Variants in PHACTR2 observed in about 807,000 individuals in gnomAD.
The protein encoded by PHACTR2 is phosphatase and actin regulator 2.
In PHACTR2, 30 loss-of-function variants were observed where a neutral mutation model predicts 76.0. That is an observed-to-expected ratio of 0.39 (90% CI 0.30 to 0.54). The LOEUF (loss-of-function observed/expected upper bound fraction) is 0.54, where lower values mean the gene tolerates loss of function less well. Among genes scored for constraint, PHACTR2 ranks in the 20% least tolerant of loss-of-function variants. The probability of loss-of-function intolerance (pLI) is 0.61; values close to 1 mark genes in which losing one functional copy is unlikely to be tolerated. For synonymous variants in PHACTR2, 292 were observed against 292.5 expected (o/e 1.00, Z 0.02); for missense variants, 696 against 781.1 (o/e 0.89, Z 1.30).
At chr6:143,545,965 G>T (rs1479815148) in intron 1 of PHACTR2, among the ~76,000 whole-genome samples, 3 of 152,172 alleles carry the variant, frequency 2.0e-5, no homozygotes, top group Non-Finnish European at 4.4e-5. Context: ...ACATTTCGGT[G>T]ATCATTACTT....
At position 143,599,928 on chromosome 6, in the gene PHACTR2, G is replaced by A. The variant is rs918612840; in HGVS notation, c.217+62721G>A. 1.5e-4 allele frequency among the ~76,000 whole-genome samples: 23 copies of A among 152,178 alleles called. No individual in the cohort carries two copies. Among genetic ancestry groups the A allele is most frequent in the African/African-American group, 5.6e-4 (23 of 41,438 alleles). Reference sequence around the variant, plus strand: ...AAACTTTGGCAAACTCAGAGCAGATGCCTTGTCTAAAGCTTTCAAGGTTTG... The same window carrying A: ...AAACTTTGGCAAACTCAGAGCAGATACCTTGTCTAAAGCTTTCAAGGTTTG... On this transcript the variant is annotated intron_variant, in intron 1 of 11. Coordinates refer to the PHACTR2 transcript ENST00000367584. This position sits in a 1 kb window ranked among gnomAD's most constrained non-coding sequence, Gnocchi z 4.6.
At position 143,765,009 on chromosome 6, in the gene PHACTR2, A is replaced by G. The variant is rs1425266467; in HGVS notation, c.695-252A>G. On this transcript the variant is annotated intron_variant, in intron 5 of 12. Coordinates refer to ENST00000440869, the MANE Select transcript of PHACTR2 (RefSeq NM_001100164.2). This position sits in a 1 kb window ranked among gnomAD's most constrained non-coding sequence, Gnocchi z 4.1. Reference sequence around the variant, plus strand: ...CCTTTGGCTGGCTCAGCTAAAGACTAAAGTGAGAGAAGACAGAGGACTCTT... The same window carrying G: ...CCTTTGGCTGGCTCAGCTAAAGACTGAAGTGAGAGAAGACAGAGGACTCTT... Among the ~76,000 whole-genome samples, 1 of 152,174 alleles carries G rather than the reference A, an allele frequency of 6.6e-6. No homozygotes were observed. Among genetic ancestry groups the G allele is most frequent in the East Asian group, 1.9e-4 (1 of 5,192 alleles).
rs1349932513 is a variant in PHACTR2 at position 143,783,029 on chromosome 6, G to GTGTGTA, written c.1646-185_1646-184insATGTGT. Among the ~76,000 whole-genome samples the GTGTGTA allele has an allele frequency of 1.3e-5, 2 of 151,506 alleles. No homozygotes were observed. Among genetic ancestry groups the GTGTGTA allele is most frequent in the Non-Finnish European group, 2.9e-5 (2 of 67,834 alleles). ...CATGTGTGTGTGTGTGTGTGTGTGT[G>GTGTGTA]TGTGTGTATGTGTGTGTGTGTGTAA... On this transcript the variant is annotated intron_variant, in intron 9 of 12. Transcript: ENST00000440869. The surrounding 1 kb of genome is among the most constrained non-coding windows in gnomAD (Gnocchi z 5.2).
At chr6:143,559,410 C>T (rs186127527) in intron 1 of PHACTR2, among the ~76,000 whole-genome samples, 206 of 152,272 alleles carry the variant, frequency 1.4e-3, no homozygotes, top group African/African-American at 4.7e-3. Flanking sequence ...GAGGAAGAAG[C>T]AGAGGATTCA....
At position 143,780,916 on chromosome 6, in the gene PHACTR2, G is replaced by A. The variant is rs1335020331; in HGVS notation, c.1646-2303G>A. Among the ~76,000 whole-genome samples the A allele has an allele frequency of 6.6e-6, 1 of 152,122 alleles. No individual in the cohort carries two copies. Among genetic ancestry groups the A allele is most frequent in the Non-Finnish European group, 1.5e-5 (1 of 68,030 alleles). On this transcript the variant is annotated intron_variant, in intron 9 of 12. Coordinates refer to ENST00000440869, the MANE Select transcript of PHACTR2 (RefSeq NM_001100164.2). This position sits in a 1 kb window ranked among gnomAD's most constrained non-coding sequence, Gnocchi z 4.4. Reference sequence around the variant, plus strand: ...ATGAAGGAAGCATACAAAAAACTTGGTGTATTTTCAAATACTGAGTTTAAG... The same window carrying A: ...ATGAAGGAAGCATACAAAAAACTTGATGTATTTTCAAATACTGAGTTTAAG...
In PHACTR2 at chr6:143,658,998, T is replaced by G. The variant is rs1468160944; in HGVS notation, c.13+50676T>G. The stretch of plus-strand genomic sequence containing the variant: ...GAGATCATGCCACTGCACTCCAGCC[T>G]GGGCAACAAAGCAAGATTCTGTCTC... On this transcript the variant is annotated intron_variant, in intron 1 of 11. Coordinates refer to the PHACTR2 transcript ENST00000305766. The surrounding 1 kb of genome is among the most constrained non-coding windows in gnomAD (Gnocchi z 4.1). Among the ~76,000 whole-genome samples, 1 of 148,118 alleles carries G rather than the reference T, an allele frequency of 6.8e-6. No individual in the cohort carries two copies. The highest frequency in any genetic ancestry group is 1.5e-5 in the Non-Finnish European group (1 of 67,516).
At chr6:143,573,037 C>T (rs1231804263) in intron 1 of PHACTR2, among the ~76,000 whole-genome samples, 3 of 152,178 alleles carry the variant, frequency 2.0e-5, no homozygotes, top group African/African-American at 4.8e-5. Flanking sequence ...ACAAAACTGG[C>T]AAGACTAGTA....
intron 1 of PHACTR2, among the ~76,000 whole-genome samples, chr6:143,572,428 A>G (rs1392568622): frequency 6.6e-6 from 1 of 152,178 alleles, no homozygotes; most frequent in Non-Finnish European, 1.5e-5. Flanking sequence ...TCCCAACTAT[A>G]TATTTTTTCA....
intron 1 of PHACTR2, among the ~76,000 whole-genome samples, chr6:143,551,658 A>G (rs1775097337): frequency 1.3e-5 from 2 of 152,188 alleles, no homozygotes; most frequent in Non-Finnish European, 1.5e-5. Context: ...TAGGGAGACT[A>G]AAGATGCTGA....
intron 1 of PHACTR2, among the ~76,000 whole-genome samples, chr6:143,594,783 G>A (rs910735347): frequency 6.6e-6 from 1 of 152,238 alleles, no homozygotes; most frequent in Non-Finnish European, 1.5e-5. Context: ...CCAACAGCCT[G>A]AGCTACAGAG....
chr6:143,707,661 A>T (rs1040703550), intron 1 of PHACTR2, among the ~76,000 whole-genome samples: 3 of 152,244 alleles, frequency 2.0e-5, no homozygotes, highest in African/African-American at 7.2e-5. Context: ...AAGAATCTCT[A>T]TAATTTATTT....
chr6:143,582,574 A>G (rs1300897334), intron 1 of PHACTR2, among the ~76,000 whole-genome samples: 1 of 152,176 alleles, frequency 6.6e-6, no homozygotes, highest in Non-Finnish European at 1.5e-5. Context: ...GTCATTTATA[A>G]CATTAAAAAA....
rs188988306 is a variant in PHACTR2, at chr6:143,773,603, T to C, written c.1433-456T>C. Among the ~76,000 whole-genome samples the C allele has an allele frequency of 6.0e-5, 9 of 151,124 alleles. 1 individual carries two copies. Among genetic ancestry groups the C allele is most frequent in the South Asian group, 2.1e-4 (1 of 4,764 alleles). On this transcript the variant is annotated intron_variant, in intron 7 of 12. Transcript: ENST00000440869. ...TGTTGAAATTTTCAGGATTCTGGGG[T>C]AATTAAGGGTTAAACATTGGTAGAC...
In PHACTR2 at chr6:143,652,533, G is replaced by A. The variant is rs1472764213; in HGVS notation, c.13+44211G>A. Among the ~76,000 whole-genome samples the A allele has an allele frequency of 2.6e-5, 4 of 152,206 alleles. No individual in the cohort carries two copies. Among genetic ancestry groups the A allele is most frequent in the East Asian group, 3.8e-4 (2 of 5,206 alleles). ...GTTTTTCCCTGTGAGACGTGTGAAT[G>A]CCTTGTGGATATTTGTGAGTACACT... is the stretch of plus-strand genomic sequence containing the variant. On this transcript the variant is annotated intron_variant, in intron 1 of 11. Coordinates refer to the PHACTR2 transcript ENST00000305766. The surrounding 1 kb of genome is among the most constrained non-coding windows in gnomAD (Gnocchi z 4.5).
chr6:143,705,263 C>T (rs961511510), intron 1 of PHACTR2, among the ~76,000 whole-genome samples: 17 of 150,820 alleles, frequency 1.1e-4, no homozygotes, highest in East Asian at 1.9e-4. Flanking sequence ...AGATTACAAG[C>T]GCCTGCTACA....
At chr6:143,715,351 G>A (rs1389079436) in intron 2 of PHACTR2, among the ~76,000 whole-genome samples, 1 of 152,034 alleles carries the variant, frequency 6.6e-6, no homozygotes, top group Non-Finnish European at 1.5e-5. Flanking sequence ...CAGCAGGAAG[G>A]TTGCTATGTG....
At chr6:143,704,095 CTGTGTGTGTG>C (rs759683885) in intron 1 of PHACTR2, among the ~76,000 whole-genome samples, 4 of 144,212 alleles carry the variant, frequency 2.8e-5, no homozygotes, top group Non-Finnish European at 6.1e-5. Flanking sequence ...GTGTGTGTGT[CTGTGTGTGTG>C]TGTGTGTGTG....
At chr6:143,552,166 C>T (rs544563141) in intron 1 of PHACTR2, among the ~76,000 whole-genome samples, 1 of 151,686 alleles carries the variant, frequency 6.6e-6, no homozygotes, top group Non-Finnish European at 1.5e-5. Flanking sequence ...TTTGTAGTCA[C>T]CTGAAAATAG....
rs1293870181 is a variant in PHACTR2 at position 143,663,127 on chromosome 6, G to C, written c.14-48889G>C. The stretch of plus-strand genomic sequence containing the variant: ...CAGGCCCCCACTAATGAGCACCTAG[G>C]TTGATTCCATGTCTCTGCTATTGTG... On this transcript the variant is annotated intron_variant, in intron 1 of 11. Coordinates refer to the PHACTR2 transcript ENST00000305766. This position sits in a 1 kb window ranked among gnomAD's most constrained non-coding sequence, Gnocchi z 4.1. 6.6e-6 allele frequency among the ~76,000 whole-genome samples: 1 copy of C among 152,148 alleles called. No individual in the cohort carries two copies. Among genetic ancestry groups the C allele is most frequent in the Non-Finnish European group, 1.5e-5 (1 of 68,026 alleles).
Sources: allele counts gnomAD v4.1 joint callset (sites outside exome capture counted in the v4.1 genomes callset), GRCh38; gene constraint gnomAD v4.1.1; non-coding constraint Gnocchi (gnomAD v3.1); transcripts MANE v1.5; gene names NCBI Gene and HGNC (gene_info 2026-07-23, HGNC 2026-07-21).